ZDHHC11B: variants seen among roughly 807,000 people sequenced by gnomAD.
ZDHHC11B encodes zDHHC palmitoyltransferase 11B (putative).
In ZDHHC11B, 17 loss-of-function variants were observed where a neutral mutation model predicts 42.3. The observed-to-expected ratio is 0.40, with a 90% confidence interval of 0.27 to 0.60. ZDHHC11B has a LOEUF of 0.60. Among genes scored for constraint, ZDHHC11B ranks in the 20% least tolerant of loss-of-function variants. The probability of loss-of-function intolerance (pLI) is 0.41; values close to 1 mark genes in which losing one functional copy is unlikely to be tolerated. For synonymous variants in ZDHHC11B, 123 were observed against 193.5 expected, an observed-to-expected ratio of 0.64 and a Z score of 3.02; for missense variants, 262 against 463.2, an observed-to-expected ratio of 0.57 and a Z score of 3.99.
intron 1 of ZDHHC11B, among the ~76,000 whole-genome samples, chr5:777,220 C>A (rs1040492482): frequency 6.6e-6 from 1 of 151,880 alleles, no homozygotes; most frequent in Non-Finnish European, 1.5e-5. Context: ...GCCGCGGACT[C>A]TCGCAGTGAG....
At chr5:762,660 C>T (rs768541240) in intron 4 of ZDHHC11B, among the ~76,000 whole-genome samples, 1 of 151,848 alleles carries the variant, frequency 6.6e-6, no homozygotes, top group Admixed American at 6.6e-5. Flanking sequence ...CGGGTCTGTG[C>T]ATGTGCTCAC....
chr5:764,840 G>C (rs907792934), intron 4 of ZDHHC11B, among the ~76,000 whole-genome samples: 10 of 151,784 alleles, frequency 6.6e-5, no homozygotes, highest in Non-Finnish European at 1.0e-4. Context: ...TGGGGACTTG[G>C]AGAACCTTTA....
intron 1 of ZDHHC11B, among the ~76,000 whole-genome samples, chr5:774,453 G>C (rs1291878899): frequency 6.5e-4 from 99 of 152,228 alleles, no homozygotes; most frequent in African/African-American, 2.3e-3. Flanking sequence ...AGGACCAGGG[G>C]CCTGTCAGTC....
chr5:771,032 G>C (rs1215004214), intron 1 of ZDHHC11B, among the ~76,000 whole-genome samples: 2 of 151,920 alleles, frequency 1.3e-5, no homozygotes, highest in African/African-American at 4.8e-5. Flanking sequence ...GGGCATGAAA[G>C]CTGCTTCCCA....
In ZDHHC11B at chr5:767,514, G is replaced by A. The variant is rs1735620645; in HGVS notation, c.-123C>T. The A allele has an allele frequency of 2.0e-6, 3 of 1,473,024 alleles. No individual in the cohort carries two copies. In the South Asian group the frequency reaches 3.6e-5, roughly 18 times the overall value. The allele number at this position is 1,473,024 out of a possible 1,614,324, so 91.2% of individuals were successfully genotyped here. On this transcript the variant is annotated 5_prime_UTR_variant, in exon 3 of 14. Transcript: ENST00000508859. Reference sequence around the variant, plus strand: ...TCGAAAGCGCAGTAGTGGCACTGGAGAGAAAGGTGACTGGGAGGAAGAGGA... The same window carrying A: ...TCGAAAGCGCAGTAGTGGCACTGGAAAGAAAGGTGACTGGGAGGAAGAGGA...
intron 1 of ZDHHC11B, among the ~76,000 whole-genome samples, chr5:777,946 G>C (rs1736676016): frequency 6.6e-6 from 1 of 151,856 alleles, no homozygotes; most frequent in Non-Finnish European, 1.5e-5. Flanking sequence ...ATGGCGGTCG[G>C]CGGGTCCCGA....
intron 9 of ZDHHC11B, among the ~76,000 whole-genome samples, chr5:742,333 G>C (rs1364696486): frequency 6.8e-6 from 1 of 146,650 alleles, no homozygotes. Flanking sequence ...GTTTTTGTTT[G>C]TTTGTTGTTT....
chr5:776,266 A>T lies in ZDHHC11B; in HGVS notation c.-229-7336T>A, dbSNP rs369849482. On this transcript the variant is annotated intron_variant, in intron 1 of 13. Transcript: ENST00000508859. ...GGCAAAGCTCCTGAGGGCCTGATGGACCCTCCAATGTCCCACGGCCACAGG... is the reference window on the plus strand; with the variant it reads ...GGCAAAGCTCCTGAGGGCCTGATGGTCCCTCCAATGTCCCACGGCCACAGG... Among the ~76,000 whole-genome samples, 329 of 151,628 alleles carry T rather than the reference A, an allele frequency of 2.2e-3. 1 individual carries two copies. In the East Asian group the frequency reaches 0.06, roughly 28 times the overall value.
intron 4 of ZDHHC11B, among the ~76,000 whole-genome samples, chr5:756,397 C>A (rs1733844610): frequency 6.6e-6 from 1 of 151,644 alleles, no homozygotes; most frequent in African/African-American, 2.4e-5. Flanking sequence ...CTCGGCCCTG[C>A]ACACACAGCC....
intron 10 of ZDHHC11B, among the ~76,000 whole-genome samples, chr5:739,921 G>T (rs1231281304): frequency 6.6e-6 from 1 of 151,308 alleles, no homozygotes; most frequent in Admixed American, 6.6e-5. Context: ...CTGTATATAT[G>T]TAAATACCAT....
chr5:741,408 A>T (rs542651830), intron 10 of ZDHHC11B, among the ~76,000 whole-genome samples, 186 bp downstream of exon 10: 23 of 147,496 alleles, frequency 1.6e-4, no homozygotes, highest in African/African-American at 5.7e-4. Flanking sequence ...AGACAAGCAC[A>T]TCGAGATAGA....
chr5:713,280 C>T (rs1741506939), intron 13 of ZDHHC11B, among the ~76,000 whole-genome samples: 1 of 151,936 alleles, frequency 6.6e-6, no homozygotes. Context: ...TAAATCCATC[C>T]ACTTTAAAAA....
chr5:736,302 A>G (rs1192272255), intron 10 of ZDHHC11B, among the ~76,000 whole-genome samples: 1 of 149,918 alleles, frequency 6.7e-6, no homozygotes, highest in African/African-American at 2.5e-5. Context: ...CCTAACGAGG[A>G]ACCCCCCAAA....
intron 13 of ZDHHC11B, among the ~76,000 whole-genome samples, chr5:713,496 A>G (rs1741519690): frequency 6.6e-6 from 1 of 152,024 alleles, no homozygotes; most frequent in Non-Finnish European, 1.5e-5. Context: ...TTATTTTCAC[A>G]TGTGGTGGGT....
chr5:749,355 A>AAGGCAGAATGGCAGAGGGTCG, intron 7 of ZDHHC11B, among the ~76,000 whole-genome samples: 1 of 129,506 alleles, frequency 7.7e-6, no homozygotes, highest in South Asian at 3.3e-4. Context: ...GCAGAGGGCC[A>AAGGCAGAATGGCAGAGGGTCG]GGCAAGGCAG....
chr5:743,301 G>T (rs1744377306), intron 9 of ZDHHC11B, among the ~76,000 whole-genome samples: 1 of 149,502 alleles, frequency 6.7e-6, no homozygotes, highest in Admixed American at 6.8e-5. Flanking sequence ...TGTCTTTAGT[G>T]TTACAGCTTT....
At chr5:763,605 G>A (rs764738109) in intron 4 of ZDHHC11B, among the ~76,000 whole-genome samples, 23 of 151,832 alleles carry the variant, frequency 1.5e-4, no homozygotes, top group African/African-American at 1.9e-4. Flanking sequence ...GGAGCAAAAC[G>A]GATGGAGGAA....
chr5:736,451 A>G (rs1399936692), intron 10 of ZDHHC11B, among the ~76,000 whole-genome samples: 2 of 149,674 alleles, frequency 1.3e-5, no homozygotes, highest in African/African-American at 4.9e-5. Context: ...ACCTTAAACT[A>G]TATCCTAGAA....
chr5:757,014 G>C (rs1270724149), intron 4 of ZDHHC11B, among the ~76,000 whole-genome samples: 1 of 151,770 alleles, frequency 6.6e-6, no homozygotes, highest in African/African-American at 2.4e-5. Flanking sequence ...GTCCCCTGGA[G>C]CCAGGAGAAG....
Sources: gnomAD v4.1 joint callset for allele counts (sites outside exome capture counted in the v4.1 genomes callset) on GRCh38, gnomAD v4.1.1 for gene constraint, MANE v1.5 for transcripts, NCBI Gene and HGNC (gene_info 2026-07-23, HGNC 2026-07-21) for gene names.